The following TAF4B variants were observed in gnomAD, a reference collection of about 807,000 sequenced individuals.
TAF4B encodes TATA-box binding protein associated factor 4b.
A neutral mutation model predicts 86.4 loss-of-function variants in TAF4B; 38 were observed. The observed-to-expected ratio is 0.44, with a 90% CI of 0.34 to 0.58. TAF4B has a LOEUF of 0.58. Among genes scored for constraint, TAF4B ranks in the 20% least tolerant of loss-of-function variants. The pLI is 0.02. For missense variants in TAF4B, 988 were observed against 1,027.6 expected (o/e 0.96, Z 0.53); for synonymous variants, 388 against 391.2 (o/e 0.99, Z 0.10).
At chr18:26,373,950 C>T (rs908954068) in intron 14 of TAF4B, among the ~76,000 whole-genome samples, 2 of 152,104 alleles carry the variant, frequency 1.3e-5, no homozygotes, top group South Asian at 2.1e-4. Context: ...TAGGGATGTA[C>T]GAGGGGAGCC....
rs1437844119 is a variant in TAF4B, at chr18:26,279,271, A to G, written c.883-2700A>G. ...AATCAAGAGCACAGTCCCATTTACA[A>G]TAGCCACACACACAAAAATGAAGTA... On this transcript the variant is annotated intron_variant, in intron 5 of 14. Transcript: ENST00000269142. Among the ~76,000 whole-genome samples, 4 of 152,300 alleles carry G rather than the reference A, an allele frequency of 2.6e-5. No individual in the cohort carries two copies. The East Asian group carries it at 5.8e-4, about 22-fold the overall frequency.
chr18:26,241,022 CA>C (rs1163330665), intron 1 of TAF4B, among the ~76,000 whole-genome samples: 2 of 152,136 alleles, frequency 1.3e-5, no homozygotes, highest in Non-Finnish European at 2.9e-5. Context: ...CGATGTTCAT[CA>C]GGGGTATTGG....
intron 14 of TAF4B, among the ~76,000 whole-genome samples, chr18:26,362,782 A>T (rs182036478): frequency 2.4e-4 from 37 of 152,334 alleles, no homozygotes; most frequent in Middle Eastern, 3.4e-3. Context: ...AAGCTGAGAT[A>T]ATAGTCATAT....
At chr18:26,385,799 A>G (rs1978337667) in intron 14 of TAF4B, among the ~76,000 whole-genome samples, 1 of 151,670 alleles carries the variant, frequency 6.6e-6, no homozygotes, top group African/African-American at 2.4e-5. Flanking sequence ...CTCTGGGGAA[A>G]GGACTTGGTG....
At chr18:26,365,758 A>G (rs897208279) in intron 14 of TAF4B, among the ~76,000 whole-genome samples, 1 of 152,114 alleles carries the variant, frequency 6.6e-6, no homozygotes, top group African/African-American at 2.4e-5. Context: ...TGCTGTACAT[A>G]GTTCTTTGAC....
intron 13 of TAF4B, among the ~76,000 whole-genome samples, chr18:26,344,336 TAGAA>T (rs2057158978): frequency 6.6e-6 from 1 of 150,550 alleles, no homozygotes; most frequent in South Asian, 2.1e-4. Flanking sequence ...GATTTCTCAT[TAGAA>T]AGCAAATAGA....
At chr18:26,240,446 C>G (rs932055798) in intron 1 of TAF4B, among the ~76,000 whole-genome samples, 2 of 152,160 alleles carry the variant, frequency 1.3e-5, no homozygotes, top group Non-Finnish European at 1.5e-5. Context: ...TATCCTGAGA[C>G]TTTGCTGAAG....
intron 1 of TAF4B, among the ~76,000 whole-genome samples, chr18:26,242,438 T>A (rs1415388350): frequency 2.0e-5 from 3 of 152,216 alleles, no homozygotes; most frequent in Non-Finnish European, 4.4e-5. Context: ...ATTTGCTTGG[T>A]AGATCTTCCT....
chr18:26,248,724 A>C, intron 1 of TAF4B, among the ~76,000 whole-genome samples: 1 of 65,256 alleles, frequency 1.5e-5, no homozygotes, highest in Non-Finnish European at 3.0e-5. Flanking sequence ...TTGGGATCTC[A>C]CTGTTTCCCA....
chr18:26,383,148 G>A (rs1183107861), intron 14 of TAF4B, among the ~76,000 whole-genome samples: 1 of 152,194 alleles, frequency 6.6e-6, no homozygotes, highest in East Asian at 1.9e-4. Flanking sequence ...GGTCATGGAT[G>A]GCCATATATG....
intron 13 of TAF4B, among the ~76,000 whole-genome samples, chr18:26,346,773 A>ATATATATATATATG (rs1404902479): frequency 1.2e-4 from 3 of 24,118 alleles, no homozygotes; most frequent in East Asian, 2.3e-3. Flanking sequence ...ATATATATAT[A>ATATATATATATATG]TGTGTGTGTA....
intron 14 of TAF4B, among the ~76,000 whole-genome samples, chr18:26,365,024 T>C (rs1447062824): frequency 7.0e-6 from 1 of 143,314 alleles, no homozygotes; most frequent in African/African-American, 2.7e-5. Context: ...TTTTTTTTTT[T>C]GAGATAGAGT....
At chr18:26,344,958 A>G (rs1338287681) in intron 13 of TAF4B, among the ~76,000 whole-genome samples, 6 of 152,202 alleles carry the variant, frequency 3.9e-5, no homozygotes, top group Admixed American at 3.3e-4. Flanking sequence ...GGAAAAGGCA[A>G]TCAGAATAAC....
chr18:26,312,918 T>C (rs2056867127), intron 9 of TAF4B, among the ~76,000 whole-genome samples: 1 of 152,218 alleles, frequency 6.6e-6, no homozygotes. Context: ...CCAATTATTT[T>C]GATTGGGCAA....
chr18:26,227,401 G>A, intron 1 of TAF4B, 125 bp downstream of exon 1: 1 of 820,436 alleles, frequency 1.2e-6, no homozygotes, highest in Admixed American at 2.9e-5. Context: ...TGACTTTACA[G>A]TTAACATATT....
chr18:26,357,559 T>C (rs966466194), intron 13 of TAF4B, 131 bp from the exon 14 acceptor site: 11 of 548,332 alleles, frequency 2.0e-5, no homozygotes, highest in East Asian at 9.8e-5. Context: ...TTGGCTGTTA[T>C]GGGAATCTAA....
At position 26,227,279 on chromosome 18, in the gene TAF4B, A is replaced by G; in HGVS notation, c.343+3A>G. The G allele has an allele frequency of 6.2e-7, 1 of 1,611,490 alleles. No individual in the cohort carries two copies. Among genetic ancestry groups the G allele is most frequent in the East Asian group, 2.2e-5 (1 of 44,558 alleles). ...TGCTAATTTGCAGCTTCCTCCAGGT[A>G]TGTTGATAACCCTTTCCAGCCTTGT... is the stretch of plus-strand genomic sequence containing the variant. On this transcript the variant is annotated splice_donor_region_variant and intron_variant, in intron 1 of 14. Coordinates refer to ENST00000269142, the MANE Select transcript of TAF4B (RefSeq NM_005640.3).
intron 1 of TAF4B, among the ~76,000 whole-genome samples, chr18:26,254,383 G>C (rs1027485365): frequency 1.3e-5 from 2 of 151,754 alleles, no homozygotes; most frequent in African/African-American, 4.8e-5. Flanking sequence ...TTTTAATACA[G>C]AGTGAAAGAA....
intron 14 of TAF4B, among the ~76,000 whole-genome samples, chr18:26,381,701 T>G (rs1311297495): frequency 1.3e-5 from 2 of 151,640 alleles, no homozygotes; most frequent in South Asian, 2.1e-4. Context: ...CACTCCAGCC[T>G]GGGCAATGAG....
Sources: allele counts gnomAD v4.1 joint callset (sites outside exome capture counted in the v4.1 genomes callset), GRCh38; gene constraint gnomAD v4.1.1; transcripts MANE v1.5; gene names NCBI Gene and HGNC (gene_info 2026-07-23, HGNC 2026-07-21).